NMI: variants seen among roughly 807,000 people sequenced by gnomAD.
NMI encodes the protein N-myc and STAT interactor.
Under a neutral mutation model 34.3 loss-of-function variants are expected in NMI, and 39 were observed. The observed-to-expected ratio is 1.14, with a 90% CI of 0.88 to 1.49. The LOEUF (loss-of-function observed/expected upper bound fraction) is 1.49. NMI is among the 40% of genes most tolerant of loss of function. The pLI is 0.00. For missense variants in NMI, 339 were observed against 358.1 expected, an observed-to-expected ratio of 0.95 and a Z score of 0.43; for synonymous variants, 113 against 120.3, an observed-to-expected ratio of 0.94 and a Z score of 0.40.
chr2:151,273,037 T>G (rs1683215754), intron 6 of NMI, among the ~76,000 whole-genome samples: 1 of 151,984 alleles, frequency 6.6e-6, no homozygotes, highest in South Asian at 2.1e-4. Flanking sequence ...ACATTGTGAA[T>G]GTACTTAGTA....
chr2:151,279,710 T>C (rs1331095144), intron 3 of NMI, among the ~76,000 whole-genome samples: 1 of 152,072 alleles, frequency 6.6e-6, no homozygotes, highest in Non-Finnish European at 1.5e-5. Context: ...TCTCTTGACC[T>C]CATGATCTGC....
intron 1 of NMI, among the ~76,000 whole-genome samples, chr2:151,283,438 C>G (rs1165020191): frequency 6.6e-6 from 1 of 152,078 alleles, no homozygotes; most frequent in African/African-American, 2.4e-5. Flanking sequence ...AGCACCTGGC[C>G]AATATTTCAA....
At chr2:151,286,758 C>A (rs932573204) in intron 1 of NMI, among the ~76,000 whole-genome samples, 14 of 152,188 alleles carry the variant, frequency 9.2e-5, no homozygotes, top group African/African-American at 3.4e-4. Flanking sequence ...ATTGTATGTT[C>A]TTCGAGTCCC....
At position 151,270,538 on chromosome 2, in the gene NMI, G is replaced by C. The variant is rs1683164294; in HGVS notation, c.*155C>G. 1 of 630,290 alleles carries C rather than the reference G, an allele frequency of 1.6e-6. No individual in the cohort carries two copies. Among genetic ancestry groups the C allele is most frequent in the Non-Finnish European group, 2.7e-6 (1 of 372,754 alleles). 39.0% of individuals were successfully genotyped at this position (630,290 alleles called of 1,614,324 possible). On this transcript the variant is annotated 3_prime_UTR_variant, in exon 8 of 8. Coordinates refer to ENST00000243346, the MANE Select transcript of NMI (RefSeq NM_004688.3). ...AACATGCAGCACCATTTGAAACAAA[G>C]AAGATTCAGAAACATGGAAATAAGT... is the stretch of plus-strand genomic sequence containing the variant.
chr2:151,289,412 C>T (rs1427437243), intron 1 of NMI, among the ~76,000 whole-genome samples, 181 bp downstream of exon 1: 2 of 152,218 alleles, frequency 1.3e-5, no homozygotes, highest in Non-Finnish European at 2.9e-5. Context: ...TGCGCCCCCT[C>T]GAAGGCGGCG....
At chr2:151,274,952 G>A (rs1022900643) in intron 6 of NMI, among the ~76,000 whole-genome samples, 1 of 151,600 alleles carries the variant, frequency 6.6e-6, no homozygotes, top group African/African-American at 2.4e-5. Context: ...GCAATCACAG[G>A]TCACTGCAGC....
intron 6 of NMI, among the ~76,000 whole-genome samples, chr2:151,272,549 T>C (rs974751133): frequency 1.3e-5 from 2 of 152,154 alleles, no homozygotes; most frequent in African/African-American, 4.8e-5. Context: ...GAACATGATA[T>C]GATCCAGCAA....
At chr2:151,280,165 A>G (rs1295046269) in intron 3 of NMI, among the ~76,000 whole-genome samples, 1 of 151,506 alleles carries the variant, frequency 6.6e-6, no homozygotes, top group Admixed American at 6.6e-5. Flanking sequence ...ATTGCATTCC[A>G]GCCTGGGCAA....
rs200974584 is a variant in NMI at position 151,284,541 on chromosome 2, G to GC, written c.-6-1588dup. On this transcript the variant is annotated intron_variant, in intron 1 of 7. Transcript: ENST00000243346. ...TCGAACTCCTGGGCTCAAACAATCC[G>GC]CCCCCCTTGGACTCCCAAAGTGCTG... Among the ~76,000 whole-genome samples the GC allele has an allele frequency of 5.0e-3, 759 of 151,776 alleles. 7 individuals carry two copies. The highest frequency in any genetic ancestry group is 0.017 in the African/African-American group (715 of 41,368).
chr2:151,276,197 T>C (rs1238689156), intron 4 of NMI, among the ~76,000 whole-genome samples: 3 of 152,002 alleles, frequency 2.0e-5, no homozygotes, highest in Non-Finnish European at 2.9e-5. Flanking sequence ...TGATTACAGG[T>C]GCATGCCACC....
chr2:151,275,588 AGTTT>A lies in NMI; in HGVS notation c.526_529del (p.Lys176Ter). 6.2e-7 allele frequency: 1 copy of A among 1,614,166 alleles called. No individual in the cohort carries two copies. The highest frequency in any genetic ancestry group is 8.5e-7 in the Non-Finnish European group (1 of 1,180,016). ...TCGGGACTTTGAAAAGCTCAGCTCT[AGTTT>A]GTCTCTCATTTGATCTTCACGCAAT... is the stretch of plus-strand genomic sequence containing the variant. On this transcript the variant is annotated frameshift_variant, in exon 6 of 8. Transcript: ENST00000243346. LOFTEE classifies it high-confidence loss of function.
chr2:151,283,388 C>A (rs1683442822), intron 1 of NMI, among the ~76,000 whole-genome samples: 1 of 152,110 alleles, frequency 6.6e-6, no homozygotes, highest in African/African-American at 2.4e-5. Flanking sequence ...ATGCACCCCC[C>A]TCGGCCTCCC....
chr2:151,275,824 C>T lies in NMI; in HGVS notation c.381G>A (p.Gln127=). 6.2e-7 allele frequency: 1 copy of T among 1,613,012 alleles called. No individual in the cohort carries two copies. Among genetic ancestry groups the T allele is most frequent in the Non-Finnish European group, 8.5e-7 (1 of 1,179,304 alleles). The part of the protein sequence containing the change: ...NVVSMSKHHV[Q]IKDVNLEVTA... ...TAACCTCCAGATTTACATCTTTTATCTGTACATGATGTTTACTCATGCTTA... is the reference window on the plus strand; with the variant it reads ...TAACCTCCAGATTTACATCTTTTATTTGTACATGATGTTTACTCATGCTTA... The change falls in exon 5 of 8, where the codon CAG becomes CAA. Residue 127 remains glutamine (Q), a synonymous_variant. Transcript: ENST00000243346.
intron 4 of NMI, chr2:151,277,871 A>G (rs758788893): frequency 2.0e-5 from 3 of 152,248 alleles, no homozygotes; most frequent in Non-Finnish European, 4.4e-5. Context: ...ACTTAAATAA[A>G]AGAACAAAGG....
rs890689224 is a variant in NMI at position 151,289,585 on chromosome 2, C to T, written c.-7+8G>A. 3 of 152,244 alleles carry T rather than the reference C, an allele frequency of 2.0e-5. No homozygotes were observed. Among genetic ancestry groups the T allele is most frequent in the African/African-American group, 7.2e-5 (3 of 41,462 alleles). 9.4% of individuals were successfully genotyped at this position (152,244 alleles called of 1,614,324 possible). A position where few individuals can be genotyped will look rare whatever the true frequency, so the allele number is the denominator to read the frequency against. ...GAGTGGCAGCCGGGGAAGGGACTCC[C>T]CACTCACCCGCGTCCGCCCGCCGAG... On this transcript the variant is annotated splice_region_variant and intron_variant, in intron 1 of 7. Transcript: ENST00000243346.
In NMI at chr2:151,282,926, G is replaced by T; in HGVS notation, c.23C>A (p.Thr8Lys). The T allele has an allele frequency of 6.6e-7, 1 of 1,525,692 alleles. No homozygotes were observed. The highest frequency in any genetic ancestry group is 1.3e-5 in the South Asian group (1 of 78,116). 94.5% of individuals were successfully genotyped at this position (1,525,692 alleles called of 1,614,324 possible). ...CGAATGCTCCTTAAGAATTTGTTGTGTGTCATCTTTATCAGCTTCCATGAT... is the reference window on the plus strand; with the variant it reads ...CGAATGCTCCTTAAGAATTTGTTGTTTGTCATCTTTATCAGCTTCCATGAT... MEADKDD[T>K]QQILKEHSPD... Residue 8 changes from threonine to lysine, a missense_variant, in exon 2 of 8, where the codon ACA (threonine) becomes AAA (lysine). Transcript: ENST00000243346.
intron 4 of NMI, 139 bp from the exon 5 acceptor site, chr2:151,276,003 G>A (rs1425614277): frequency 2.1e-5 from 13 of 617,262 alleles, no homozygotes; most frequent in South Asian, 4.4e-5. Context: ...TTTGGCGGGC[G>A]GTGATTCCAA....
intron 3 of NMI, among the ~76,000 whole-genome samples, chr2:151,281,571 C>T (rs1173920097): frequency 6.6e-6 from 1 of 152,174 alleles, no homozygotes; most frequent in Non-Finnish European, 1.5e-5. Context: ...CTGGGTCTTA[C>T]CTGCTTCCAA....
intron 4 of NMI, chr2:151,277,536 C>T (rs866834564): frequency 1.3e-4 from 20 of 152,190 alleles, no homozygotes; most frequent in African/African-American, 4.3e-4. Context: ...TTAGAGAATT[C>T]CATTTCCAAC....
Sources: gnomAD v4.1 joint callset for allele counts (sites outside exome capture counted in the v4.1 genomes callset) on GRCh38, gnomAD v4.1.1 for gene constraint, MANE v1.5 for transcripts, NCBI Gene and HGNC (gene_info 2026-07-23, HGNC 2026-07-21) for gene names.